Variants in KCNMB4 observed in about 807,000 individuals in gnomAD.
KCNMB4 encodes calcium-activated potassium channel subunit beta-4.
KCNMB4 carries 3 observed loss-of-function variants against 20.7 expected under a neutral mutation model. The observed-to-expected ratio is 0.14, with a 90% confidence interval of 0.07 to 0.37. The LOEUF is 0.37. Ranked by LOEUF, KCNMB4 falls within the 10% of genes least tolerant of loss-of-function variation. KCNMB4 has a pLI of 1.00. For synonymous variants in KCNMB4, 110 were observed against 113.4 expected, an observed-to-expected ratio of 0.97 and a Z score of 0.19; for missense variants, 168 against 265.9, an observed-to-expected ratio of 0.63 and a Z score of 2.56.
intron 1 of KCNMB4, among the ~76,000 whole-genome samples, chr12:70,397,125 G>C (rs183701880): frequency 6.6e-6 from 1 of 152,164 alleles, no homozygotes; most frequent in African/African-American, 2.4e-5. Flanking sequence ...TTAGAGGCCA[G>C]GGTGGGACAA....
At chr12:70,426,861 TAGTGCC>T (rs1035744098) in intron 2 of KCNMB4, among the ~76,000 whole-genome samples, 1 of 152,174 alleles carries the variant, frequency 6.6e-6, no homozygotes, top group African/African-American at 2.4e-5. Context: ...TGACTCAGGG[TAGTGCC>T]AGTGCTTAGG....
chr12:70,430,853 A>C lies in KCNMB4; in HGVS notation c.*200A>C, dbSNP rs1046412669. The C allele has an allele frequency of 1.2e-5, 6 of 515,782 alleles. No individual in the cohort carries two copies. The highest frequency in any genetic ancestry group is 8.0e-5 in the Admixed American group (2 of 24,980). The allele number at this position is 515,782 out of a possible 1,614,324, so 32.0% of individuals were successfully genotyped here. On this transcript the variant is annotated 3_prime_UTR_variant, in exon 3 of 3. Transcript: ENST00000258111. ...AAGCTTGTATTCCATCTGCTGTAGC[A>C]ATGGCTAAAGGGTCAAGATCTTAGC...
intron 1 of KCNMB4, among the ~76,000 whole-genome samples, chr12:70,375,655 GCA>G (rs951925192): frequency 3.3e-5 from 5 of 151,928 alleles, no homozygotes; most frequent in Non-Finnish European, 7.4e-5. Flanking sequence ...GAAAAGAAAT[GCA>G]CATTCTCAGG....
chr12:70,425,708 C>T (rs1469398491), intron 2 of KCNMB4, among the ~76,000 whole-genome samples: 2 of 152,190 alleles, frequency 1.3e-5, no homozygotes, highest in African/African-American at 4.8e-5. Flanking sequence ...ATTGTGCCAC[C>T]TCCATGTTAG....
chr12:70,406,021 G>T (rs983704022), intron 2 of KCNMB4, among the ~76,000 whole-genome samples: 2 of 152,160 alleles, frequency 1.3e-5, no homozygotes, highest in African/African-American at 4.8e-5. Flanking sequence ...AAAGAAGCCA[G>T]ACACAAAAAG....
chr12:70,426,911 C>G lies in KCNMB4; in HGVS notation c.465-3574C>G, dbSNP rs142258267. On this transcript the variant is annotated intron_variant, in intron 2 of 2. Transcript: ENST00000258111. ...TCTATGGGTACCCACAGTATTTACT[C>G]TTCTTTTGTAGCCCTGACCCAGGGC... 2.0e-3 allele frequency among the ~76,000 whole-genome samples: 307 copies of G among 152,286 alleles called. 1 individual carries two copies. The highest frequency in any genetic ancestry group is 7.1e-3 in the African/African-American group (296 of 41,568).
chr12:70,400,476 A>G (rs1384946153), intron 2 of KCNMB4, 140 bp downstream of exon 2: 7 of 821,360 alleles, frequency 8.5e-6, no homozygotes, highest in Non-Finnish European at 1.3e-5. Flanking sequence ...GGAAACCCAT[A>G]TAATGAATCT....
At chr12:70,421,470 G>GAAAAAA (rs61303899) in intron 2 of KCNMB4, among the ~76,000 whole-genome samples, 5 of 75,672 alleles carry the variant, frequency 6.6e-5, no homozygotes, top group East Asian at 5.6e-4. Flanking sequence ...TCTCAAAAAA[G>GAAAAAA]AAAAAAAAAA....
intron 1 of KCNMB4, among the ~76,000 whole-genome samples, chr12:70,399,285 T>C (rs1868394144): frequency 6.6e-6 from 1 of 152,204 alleles, no homozygotes; most frequent in South Asian, 2.1e-4. Flanking sequence ...CTCCTTAATA[T>C]CAGATACCTT....
intron 2 of KCNMB4, among the ~76,000 whole-genome samples, chr12:70,413,416 T>C (rs1406893873): frequency 6.6e-6 from 1 of 152,156 alleles, no homozygotes; most frequent in Non-Finnish European, 1.5e-5. Context: ...GTAGGACAAG[T>C]AGGTCATAGA....
chr12:70,367,225 C>G (rs1423878015), intron 1 of KCNMB4, among the ~76,000 whole-genome samples, 155 bp downstream of exon 1: 1 of 152,010 alleles, frequency 6.6e-6, no homozygotes, highest in Non-Finnish European at 1.5e-5. Context: ...ATGACTACAT[C>G]AGGGAGCCCC....
At chr12:70,414,295 A>C (rs1357002715) in intron 2 of KCNMB4, among the ~76,000 whole-genome samples, 1 of 152,210 alleles carries the variant, frequency 6.6e-6, no homozygotes. Context: ...TGTGAGTCTA[A>C]TTAATGCCAC....
At chr12:70,383,906 TA>T (rs1263249911) in intron 1 of KCNMB4, among the ~76,000 whole-genome samples, 1 of 152,096 alleles carries the variant, frequency 6.6e-6, no homozygotes, top group Non-Finnish European at 1.5e-5. Flanking sequence ...CTGTCTCTCC[TA>T]AAAACATAAA....
intron 1 of KCNMB4, among the ~76,000 whole-genome samples, chr12:70,375,983 G>A (rs1450185262): frequency 6.6e-6 from 1 of 152,022 alleles, no homozygotes; most frequent in Non-Finnish European, 1.5e-5. Context: ...GGAAGAGTTT[G>A]TGATTATATA....
chr12:70,403,251 A>G (rs745886765), intron 2 of KCNMB4, among the ~76,000 whole-genome samples: 4 of 151,854 alleles, frequency 2.6e-5, no homozygotes, highest in Admixed American at 1.3e-4. Flanking sequence ...ATAATATTCC[A>G]TAGGCTTCTA....
intron 1 of KCNMB4, among the ~76,000 whole-genome samples, chr12:70,395,297 TC>T (rs1868341491): frequency 6.6e-6 from 1 of 152,150 alleles, no homozygotes; most frequent in Non-Finnish European, 1.5e-5. Context: ...TTTCCTCATT[TC>T]TGTTTCTTAG....
chr12:70,379,687 C>CA (rs1883751077), intron 1 of KCNMB4, among the ~76,000 whole-genome samples: 1 of 152,206 alleles, frequency 6.6e-6, no homozygotes, highest in African/African-American at 2.4e-5. Context: ...GCTGGGATTA[C>CA]AGGCATGAGC....
chr12:70,396,935 G>A (rs145995824), intron 1 of KCNMB4, among the ~76,000 whole-genome samples: 46 of 152,286 alleles, frequency 3.0e-4, no homozygotes, highest in Admixed American at 2.2e-3. Context: ...GGCAATCTAC[G>A]ATGATACACT....
At chr12:70,370,664 T>C (rs1883576578) in intron 1 of KCNMB4, among the ~76,000 whole-genome samples, 1 of 151,622 alleles carries the variant, frequency 6.6e-6, no homozygotes, top group African/African-American at 2.4e-5. Flanking sequence ...AAAGGGAGAG[T>C]ATTATTTAAA....
Sources: gnomAD v4.1 joint callset for allele counts (sites outside exome capture counted in the v4.1 genomes callset) on GRCh38, gnomAD v4.1.1 for gene constraint, MANE v1.5 for transcripts, NCBI Gene and HGNC (gene_info 2026-07-23, HGNC 2026-07-21) for gene names.